Variants in ARHGAP17 observed in about 807,000 individuals in gnomAD.
The protein encoded by ARHGAP17 is rho GTPase-activating protein 17.
Under a neutral mutation model 99.5 loss-of-function variants are expected in ARHGAP17, and 57 were observed. The observed-to-expected ratio is 0.57, with a 90% CI of 0.46 to 0.71. The LOEUF (loss-of-function observed/expected upper bound fraction) is 0.71. Among genes scored for constraint, ARHGAP17 ranks in the 30% least tolerant of loss-of-function variants. The pLI is 0.00. For missense variants in ARHGAP17, 1,000 were observed against 1,122.4 expected (o/e 0.89, Z 1.56); for synonymous variants, 417 against 429.6 (o/e 0.97, Z 0.36).
chr16:24,939,839 T>A (rs2051263267), intron 16 of ARHGAP17: 2 of 555,712 alleles, frequency 3.6e-6, no homozygotes, highest in African/African-American at 3.8e-5. Flanking sequence ...TGTGAGCAGC[T>A]AAAAGCAAAT....
rs1032093076 is a variant in ARHGAP17, at chr16:25,006,449, C to CAA, written c.53+8758_53+8759dup. Reference sequence around the variant, plus strand: ...TGAGTGACAGAGAGGGACTCCGTCTCAAAAAAAAAAAAAAAAAGAAAAAGA... The same window carrying CAA: ...TGAGTGACAGAGAGGGACTCCGTCTCAAAAAAAAAAAAAAAAAAAGAAAAAGA... On this transcript the variant is annotated intron_variant, in intron 1 of 19. Coordinates refer to ENST00000289968, the MANE Select transcript of ARHGAP17 (RefSeq NM_001006634.3). Among the ~76,000 whole-genome samples, 176 of 74,452 alleles carry CAA rather than the reference C, an allele frequency of 2.4e-3. 3 individuals are homozygous for CAA. Among genetic ancestry groups the CAA allele is most frequent in the Middle Eastern group, 0.012 (2 of 162 alleles). The allele number at this position is 74,452 out of a possible 152,430, so 48.8% of individuals were successfully genotyped here.
At chr16:24,945,373 A>G (rs1038572109) in intron 14 of ARHGAP17, among the ~76,000 whole-genome samples, 1 of 136,352 alleles carries the variant, frequency 7.3e-6, no homozygotes, top group African/African-American at 3.7e-5. Context: ...AAAAAGTAAG[A>G]GTTATTATCA....
rs2050960579 is a variant in ARHGAP17 at position 24,930,790 on chromosome 16, C to T, written c.2509G>A (p.Val837Ile). ...TNTAPTASKI[V>I]TDSNSRVSEP... ...GCATTGATGTCCTACTTACCTGTTA[C>T]TATCTTGGAAGCTGTTGGTGCTGTG... Residue 837 changes from valine (V) to isoleucine (I), a missense_variant, in exon 19 of 20, where the codon GTA (valine) becomes ATA (isoleucine). Around this residue, in one of 2 missense-constraint regions of ARHGAP17, gnomAD observed 528 missense variants for 511.4 expected, o/e 1.03. Coordinates refer to ENST00000289968, the MANE Select transcript of ARHGAP17 (RefSeq NM_001006634.3). 7.4e-6 allele frequency: 12 copies of T among 1,614,050 alleles called. No individual in the cohort carries two copies. In the East Asian group the frequency reaches 1.8e-4, roughly 24 times the overall value.
At chr16:24,938,773 GAAAAAAAA>G (rs111587139) in intron 17 of ARHGAP17, among the ~76,000 whole-genome samples, 17 of 81,236 alleles carry the variant, frequency 2.1e-4, no homozygotes, top group South Asian at 2.0e-3. Flanking sequence ...CGCAGTCTCA[GAAAAAAAA>G]AAAAAAAAAA....
At chr16:24,935,444 G>C (rs930479209) in intron 18 of ARHGAP17, 26 bp downstream of exon 18, 27 of 1,561,984 alleles carry the variant, frequency 1.7e-5, no homozygotes, top group Admixed American at 3.9e-5. Context: ...GCTTCCCTGA[G>C]GGCAAGGAGG....
At chr16:24,973,337 T>A (rs1288044605) in intron 3 of ARHGAP17, among the ~76,000 whole-genome samples, 1 of 152,170 alleles carries the variant, frequency 6.6e-6, no homozygotes, top group African/African-American at 2.4e-5. Flanking sequence ...GCAGGAAGCA[T>A]GTTATGAGGC....
intron 2 of ARHGAP17, among the ~76,000 whole-genome samples, chr16:24,977,918 G>C (rs926477857): frequency 4.6e-5 from 7 of 152,112 alleles, no homozygotes; most frequent in African/African-American, 1.7e-4. Flanking sequence ...CAGGCCCTTT[G>C]GGATGCTTTC....
chr16:24,919,431 T>G lies in ARHGAP17; in HGVS notation c.*699A>C, dbSNP rs539069440. 2.0e-4 allele frequency: 31 copies of G among 152,028 alleles called. No individual in the cohort carries two copies. Among genetic ancestry groups the G allele is most frequent in the Admixed American group, 1.8e-3 (28 of 15,196 alleles). 9.4% of individuals were successfully genotyped at this position (152,028 alleles called of 1,614,324 possible). ...GAATATATTTAATTCAAATTAAACA[T>G]GAAACTAGAATAATGTTCGGTCCTT... is the stretch of plus-strand genomic sequence containing the variant. On this transcript the variant is annotated 3_prime_UTR_variant, in exon 20 of 20. Coordinates refer to ENST00000289968, the MANE Select transcript of ARHGAP17 (RefSeq NM_001006634.3).
rs1170544385 is a variant in ARHGAP17 at position 24,919,411 on chromosome 16, T to C, written c.*719A>G. The C allele has an allele frequency of 2.0e-5, 3 of 152,550 alleles. No individual in the cohort carries two copies. Among genetic ancestry groups the C allele is most frequent in the Non-Finnish European group, 4.4e-5 (3 of 68,110 alleles). The allele number at this position is 152,550 out of a possible 1,614,324, so 9.4% of individuals were successfully genotyped here. On this transcript the variant is annotated 3_prime_UTR_variant, in exon 20 of 20. Coordinates refer to ENST00000289968, the MANE Select transcript of ARHGAP17 (RefSeq NM_001006634.3). The stretch of plus-strand genomic sequence containing the variant: ...AAGTTTTCATATAAACCACAGAATA[T>C]ATTTAATTCAAATTAAACATGAAAC...
At chr16:24,983,453 C>T (rs2052763212) in intron 1 of ARHGAP17, among the ~76,000 whole-genome samples, 1 of 151,920 alleles carries the variant, frequency 6.6e-6, no homozygotes. Context: ...AGATGCGCAC[C>T]ATCATGCCCA....
chr16:24,944,809 G>C (rs1567220619), intron 14 of ARHGAP17, among the ~76,000 whole-genome samples: 1 of 151,708 alleles, frequency 6.6e-6, no homozygotes, highest in African/African-American at 2.4e-5. Context: ...GTAGAGACAG[G>C]GTTTCACGGT....
At chr16:24,963,503 G>A (rs73555454) in intron 7 of ARHGAP17, among the ~76,000 whole-genome samples, 4 of 152,224 alleles carry the variant, frequency 2.6e-5, no homozygotes, top group African/African-American at 9.6e-5. Flanking sequence ...AGCAGGAAAA[G>A]TCTAAGTCAA....
chr16:24,971,088 T>C (rs1000186566), intron 3 of ARHGAP17, among the ~76,000 whole-genome samples: 1 of 152,140 alleles, frequency 6.6e-6, no homozygotes, highest in Admixed American at 6.5e-5. Flanking sequence ...CAGGCTAATC[T>C]CAAACTCCTG....
At chr16:24,954,267 G>C (rs945979655) in intron 10 of ARHGAP17, among the ~76,000 whole-genome samples, 1 of 152,166 alleles carries the variant, frequency 6.6e-6, no homozygotes, top group East Asian at 1.9e-4. Context: ...CCATTAGTGC[G>C]TCACGAAATC....
intron 6 of ARHGAP17, among the ~76,000 whole-genome samples, chr16:24,965,569 T>C (rs2141294138): frequency 6.6e-6 from 1 of 152,316 alleles, no homozygotes; most frequent in African/African-American, 2.4e-5. Flanking sequence ...TCTGCCCACT[T>C]TGTGTTCCTG....
chr16:24,971,163 C>A (rs2052350042), intron 3 of ARHGAP17, among the ~76,000 whole-genome samples: 1 of 152,080 alleles, frequency 6.6e-6, no homozygotes, highest in Non-Finnish European at 1.5e-5. Context: ...AACCATCACG[C>A]CCAGCCTGTT....
At chr16:24,985,751 TCAGG>T (rs2052846985) in intron 1 of ARHGAP17, among the ~76,000 whole-genome samples, 1 of 152,096 alleles carries the variant, frequency 6.6e-6, no homozygotes, top group South Asian at 2.1e-4. Context: ...TCTGCCTACT[TCAGG>T]TCCAAATGTC....
chr16:24,970,415 A>G (rs1235855923), intron 4 of ARHGAP17, 92 bp downstream of exon 4: 1 of 1,206,828 alleles, frequency 8.3e-7, no homozygotes, highest in Non-Finnish European at 1.2e-6. Flanking sequence ...CAACGCTCAC[A>G]GTTCCTCTCA....
intron 12 of ARHGAP17, among the ~76,000 whole-genome samples, chr16:24,951,368 A>G (rs551767739): frequency 4.6e-5 from 7 of 152,228 alleles, no homozygotes; most frequent in Non-Finnish European, 8.8e-5. Context: ...TTAATTAAAG[A>G]TTACAGGAGG....
Sources: gnomAD v4.1 joint callset for allele counts (sites outside exome capture counted in the v4.1 genomes callset) on GRCh38, gnomAD v4.1.1 for gene constraint, gnomAD v4.1.1 regional missense constraint, MANE v1.5 for transcripts, NCBI Gene and HGNC (gene_info 2026-07-23, HGNC 2026-07-21) for gene names.